ETFA: variants seen among roughly 807,000 people sequenced by gnomAD.
ETFA encodes electron transfer flavoprotein subunit alpha, mitochondrial.
Under a neutral mutation model 46.2 loss-of-function variants are expected in ETFA, and 22 were observed. The observed-to-expected ratio is 0.48, with a 90% CI of 0.34 to 0.68. ETFA has a LOEUF of 0.68. ETFA is among the 30% of genes least tolerant of loss of function. The pLI, the probability that ETFA is intolerant of heterozygous loss-of-function variation, is 0.01. For missense variants in ETFA, 345 were observed against 401.1 expected (o/e 0.86, Z 1.19); for synonymous variants, 131 against 139.9 (o/e 0.94, Z 0.45).
chr15:76,231,196 T>C lies in ETFA; in HGVS notation c.882+137A>G, dbSNP rs2039063104. On this transcript the variant is annotated intron_variant, in intron 10 of 11. Transcript: ENST00000557943. ...TTTTAAGGCAGTGAACGGTAGCTTT[T>C]ATTTCTTTCAGTTCCCAGATCTACG... 4.2e-6 allele frequency: 3 copies of C among 713,244 alleles called. No homozygotes were observed. The East Asian group carries it at 7.7e-5, about 18-fold the overall frequency. The allele number at this position is 713,244 out of a possible 1,614,324, so 44.2% of individuals were successfully genotyped here.
chr15:76,247,222 T>G (rs954895308), intron 9 of ETFA, among the ~76,000 whole-genome samples: 4 of 152,220 alleles, frequency 2.6e-5, no homozygotes, highest in Admixed American at 6.5e-5. Flanking sequence ...ATCAAGGATT[T>G]GTAGGAGTGC....
Position 76,284,874 on chromosome 15 carries a change from G to A in ETFA, c.664+763C>T, listed in dbSNP as rs532248194. 6.4e-4 allele frequency: 233 copies of A among 364,076 alleles called. 1 individual carries two copies. The highest frequency in any genetic ancestry group is 1.6e-4 in the Non-Finnish European group (30 of 188,872). 22.6% of individuals were successfully genotyped at this position (364,076 alleles called of 1,614,324 possible). Reference sequence around the variant, plus strand: ...GAACCTGGGAGGTGGAGGTGGCGGTGAGCAGAGATTGTGCCATTGCACTCC... The same window carrying A: ...GAACCTGGGAGGTGGAGGTGGCGGTAAGCAGAGATTGTGCCATTGCACTCC... On this transcript the variant is annotated intron_variant, in intron 7 of 11. Coordinates refer to ENST00000557943, the MANE Select transcript of ETFA (RefSeq NM_000126.4).
At chr15:76,258,997 T>A in intron 9 of ETFA, 1 of 1,605,278 alleles carries the variant, frequency 6.2e-7, no homozygotes, top group Non-Finnish European at 8.5e-7. Context: ...TAACAGCTAT[T>A]GTGTGGCAGT....
intron 8 of ETFA, among the ~76,000 whole-genome samples, chr15:76,279,948 C>G (rs1253839618): frequency 2.0e-5 from 3 of 151,226 alleles, no homozygotes; most frequent in African/African-American, 7.3e-5. Flanking sequence ...AATGCAGTAG[C>G]TATTCACAGG....
intron 2 of ETFA, among the ~76,000 whole-genome samples, chr15:76,293,106 C>T (rs1180419440): frequency 6.6e-6 from 1 of 152,202 alleles, no homozygotes; most frequent in Non-Finnish European, 1.5e-5. Flanking sequence ...CACTTCACTC[C>T]AGACTGGGCG....
chr15:76,249,693 G>C (rs1189258369), intron 9 of ETFA, among the ~76,000 whole-genome samples: 1 of 151,762 alleles, frequency 6.6e-6, no homozygotes, highest in African/African-American at 2.4e-5. Flanking sequence ...CGCCCGCCTC[G>C]GCCTCCCAAA....
In ETFA at chr15:76,286,391, C is replaced by T. The variant is rs752263133; in HGVS notation, c.542G>A (p.Gly181Asp). ...CTCACCCTTTTCTGAACTGGCACTACCGCCACTTGTTGCTGCAGCATCAAA... is the reference window on the plus strand; with the variant it reads ...CTCACCCTTTTCTGAACTGGCACTATCGCCACTTGTTGCTGCAGCATCAAA... The part of the protein sequence containing the change: ...TSFDAAATSG[G>D]SASSEKASST... Residue 181 changes from glycine to aspartate, a missense_variant, in exon 6 of 12, where the codon GGT (glycine) becomes GAT (aspartate). Transcript: ENST00000557943. 2 of 1,611,386 alleles carry T rather than the reference C, an allele frequency of 1.2e-6. No homozygotes were observed. Among genetic ancestry groups the T allele is most frequent in the South Asian group, 1.1e-5 (1 of 90,960 alleles).
intron 9 of ETFA, chr15:76,260,173 G>T: frequency 7.0e-7 from 1 of 1,436,030 alleles, no homozygotes; most frequent in Non-Finnish European, 9.8e-7. Flanking sequence ...TCTGGGATGA[G>T]CACATCCTCC....
At chr15:76,252,668 A>G (rs1352319583) in intron 9 of ETFA, among the ~76,000 whole-genome samples, 2 of 152,238 alleles carry the variant, frequency 1.3e-5, no homozygotes, top group Admixed American at 1.3e-4. Context: ...TGGATTCTGT[A>G]TTAGGCTAAC....
At chr15:76,262,621 T>C (rs1336725548) in intron 9 of ETFA, among the ~76,000 whole-genome samples, 1 of 151,912 alleles carries the variant, frequency 6.6e-6, no homozygotes, top group Admixed American at 6.6e-5. Context: ...TAGCTGGGAC[T>C]ACAGGCGCCT....
chr15:76,272,464 A>T (rs1596211644), intron 9 of ETFA, among the ~76,000 whole-genome samples: 1 of 151,914 alleles, frequency 6.6e-6, no homozygotes, highest in Non-Finnish European at 1.5e-5. Context: ...TCGTGATCCA[A>T]CTGCCTCAGC....
intron 11 of ETFA, among the ~76,000 whole-genome samples, chr15:76,221,581 T>C (rs1469836106): frequency 6.6e-6 from 1 of 152,232 alleles, no homozygotes; most frequent in Non-Finnish European, 1.5e-5. Context: ...TACCAGCACC[T>C]ACTATGTACC....
At chr15:76,309,735 T>C (rs1391929038) in intron 1 of ETFA, among the ~76,000 whole-genome samples, 1 of 152,206 alleles carries the variant, frequency 6.6e-6, no homozygotes, top group Non-Finnish European at 1.5e-5. Context: ...TTCCAACTGC[T>C]GCATAGAGCA....
intron 9 of ETFA, among the ~76,000 whole-genome samples, chr15:76,258,433 G>A (rs1016859867): frequency 2.6e-5 from 4 of 152,108 alleles, no homozygotes; most frequent in South Asian, 4.2e-4. Context: ...GACAGGGTAC[G>A]GAATCAGAAA....
chr15:76,267,599 A>G (rs1176422660), intron 9 of ETFA, among the ~76,000 whole-genome samples: 4 of 152,196 alleles, frequency 2.6e-5, no homozygotes, highest in African/African-American at 9.7e-5. Flanking sequence ...GCAGGACCTC[A>G]ACAGCAAGTT....
intron 1 of ETFA, among the ~76,000 whole-genome samples, chr15:76,304,564 T>C (rs935020431): frequency 6.6e-6 from 1 of 150,948 alleles, no homozygotes; most frequent in Non-Finnish European, 1.5e-5. Flanking sequence ...CTTGGAAGGC[T>C]GAGATGGAAG....
chr15:76,308,738 T>C (rs1382267854), intron 1 of ETFA, among the ~76,000 whole-genome samples: 5 of 152,200 alleles, frequency 3.3e-5, no homozygotes, highest in Admixed American at 2.0e-4. Context: ...ACTGGCAAAA[T>C]TGAACATCCA....
intron 9 of ETFA, among the ~76,000 whole-genome samples, chr15:76,266,763 G>T (rs775024672): frequency 2.0e-4 from 31 of 152,240 alleles, no homozygotes; most frequent in Non-Finnish European, 3.8e-4. Flanking sequence ...AATTCGTTGG[G>T]TGTGGTGGCG....
At chr15:76,233,937 T>G (rs564289696) in intron 9 of ETFA, among the ~76,000 whole-genome samples, 1 of 152,252 alleles carries the variant, frequency 6.6e-6, no homozygotes, top group African/African-American at 2.4e-5. Flanking sequence ...AAAATGTTGA[T>G]TCACTCTGGC....
Sources: allele counts gnomAD v4.1 joint callset (sites outside exome capture counted in the v4.1 genomes callset), GRCh38; gene constraint gnomAD v4.1.1; transcripts MANE v1.5; gene names NCBI Gene and HGNC (gene_info 2026-07-23, HGNC 2026-07-21).